Variants in DOCK3 observed in about 807,000 individuals in gnomAD.
The protein encoded by DOCK3 is dedicator of cytokinesis 3, also known as dedicator of cytokinesis protein 3.
A neutral mutation model predicts 265.6 loss-of-function variants in DOCK3; 60 were observed. The ratio of observed to expected loss-of-function variants is 0.23; its 90% CI spans 0.18 to 0.28. The LOEUF is 0.28. Ranked by LOEUF, DOCK3 falls within the 10% of genes least tolerant of loss-of-function variation. DOCK3 has a pLI of 1.00. For missense variants in DOCK3, 1,981 were observed against 2,594.3 expected (o/e 0.76, Z 5.14); for synonymous variants, 881 against 938.0 (o/e 0.94, Z 1.11).
intron 13 of DOCK3, among the ~76,000 whole-genome samples, chr3:51,209,455 A>T (rs150521887): frequency 6.6e-6 from 1 of 152,188 alleles, no homozygotes; most frequent in Non-Finnish European, 1.5e-5. Flanking sequence ...TCTACATATT[A>T]TATTGTTTTC....
intron 28 of DOCK3, among the ~76,000 whole-genome samples, chr3:51,311,176 G>A (rs2083049246): frequency 6.6e-6 from 1 of 152,190 alleles, no homozygotes; most frequent in South Asian, 2.1e-4. Context: ...AGGCTCCCCA[G>A]CTTGTCCTGC....
At chr3:51,195,068 G>A (rs1255202028) in intron 12 of DOCK3, among the ~76,000 whole-genome samples, 4 of 151,794 alleles carry the variant, frequency 2.6e-5, no homozygotes, top group East Asian at 1.9e-4. Context: ...CTCATGATCC[G>A]CCCACCTTGA....
chr3:50,966,432 T>C (rs1237390029), intron 5 of DOCK3, among the ~76,000 whole-genome samples: 1 of 151,890 alleles, frequency 6.6e-6, no homozygotes, highest in Non-Finnish European at 1.5e-5. Context: ...CCATCTTTAG[T>C]GTACAAGGAT....
chr3:50,751,880 G>A (rs1449061245), intron 1 of DOCK3, among the ~76,000 whole-genome samples: 1 of 151,990 alleles, frequency 6.6e-6, no homozygotes, highest in Non-Finnish European at 1.5e-5. Context: ...GGAGTGAAGG[G>A]GAGGAGCTTC....
At chr3:50,956,767 G>A (rs992611772) in intron 5 of DOCK3, among the ~76,000 whole-genome samples, 1 of 152,180 alleles carries the variant, frequency 6.6e-6, no homozygotes, top group Non-Finnish European at 1.5e-5. Context: ...TTTTAAGAAA[G>A]TTAGGTCCTA....
intron 7 of DOCK3, among the ~76,000 whole-genome samples, chr3:51,078,069 CAGAGAGAGAGAAAGAAACAGAGAG>C (rs933099896): frequency 1.9e-4 from 1 of 5,166 alleles, no homozygotes; most frequent in Non-Finnish European, 6.9e-4. Context: ...AAGAGAGAGA[CAGAGAGAGAGAAAGAAACAGAGAG>C]AGAGACCAAA....
chr3:51,052,230 G>A (rs555893606), intron 5 of DOCK3, among the ~76,000 whole-genome samples: 2 of 152,240 alleles, frequency 1.3e-5, no homozygotes, highest in African/African-American at 4.8e-5. Context: ...AGTAGGCTGG[G>A]TGCAGTGGCT....
rs75554952 is a variant in DOCK3, at chr3:51,136,965, A to G, written c.747-9584A>G. 2.7e-3 allele frequency among the ~76,000 whole-genome samples: 417 copies of G among 152,182 alleles called. 2 individuals carry two copies. Among genetic ancestry groups the G allele is most frequent in the African/African-American group, 9.5e-3 (396 of 41,524 alleles). On this transcript the variant is annotated intron_variant, in intron 9 of 52. Transcript: ENST00000266037. ...TGAAAAGAAGAGAAAAGCTGACACT[A>G]TGTATACATATGTAACTAACCTGCA...
At chr3:50,707,308 A>T (rs563947553) in intron 1 of DOCK3, among the ~76,000 whole-genome samples, 3 of 151,728 alleles carry the variant, frequency 2.0e-5, no homozygotes, top group African/African-American at 7.2e-5. Context: ...GTGGTAGGGC[A>T]TGCCTGTAAT....
chr3:50,878,581 AAAAGT>A (rs1235730762), intron 3 of DOCK3, among the ~76,000 whole-genome samples: 1 of 139,850 alleles, frequency 7.2e-6, no homozygotes, highest in Non-Finnish European at 1.5e-5. Context: ...GTTTAGAGAA[AAAAGT>A]AAAGAGAAAC....
Position 51,156,461 on chromosome 3 carries a change from G to GATTA in DOCK3, c.829-2783_829-2782insATTA, listed in dbSNP as rs879614280. On this transcript the variant is annotated intron_variant, in intron 10 of 52. Transcript: ENST00000266037. ...TATCTTTCTTTTACAGGTCATGTGAGTAATATAATGTAGATAACCACCCTT... is the reference window on the plus strand; with the variant it reads ...TATCTTTCTTTTACAGGTCATGTGAGATTATAATATAATGTAGATAACCACCCTT... Among the ~76,000 whole-genome samples, 295 of 152,322 alleles carry GATTA rather than the reference G, an allele frequency of 1.9e-3. 1 individual carries two copies. Among genetic ancestry groups the GATTA allele is most frequent in the Admixed American group, 3.9e-3 (60 of 15,298 alleles).
intron 49 of DOCK3, among the ~76,000 whole-genome samples, chr3:51,363,889 A>G (rs960771681): frequency 1.3e-5 from 2 of 152,192 alleles, no homozygotes. Context: ...TCTGTCATTG[A>G]TGGACACTTG....
At chr3:51,278,955 T>G (rs2080967927) in intron 26 of DOCK3, among the ~76,000 whole-genome samples, 1 of 152,148 alleles carries the variant, frequency 6.6e-6, no homozygotes, top group African/African-American at 2.4e-5. Flanking sequence ...ACATGTATTT[T>G]TAATAATTTC....
chr3:50,733,532 A>G (rs2038355406), intron 1 of DOCK3, among the ~76,000 whole-genome samples: 1 of 152,244 alleles, frequency 6.6e-6, no homozygotes, highest in African/African-American at 2.4e-5. Flanking sequence ...TGATACAAGT[A>G]TAGCTACTCT....
At chr3:50,787,555 G>T in intron 2 of DOCK3, 1 of 768,956 alleles carries the variant, frequency 1.3e-6, no homozygotes, top group Non-Finnish European at 2.1e-6. Context: ...ACAACCCTGG[G>T]TCACTTCTCA....
intron 12 of DOCK3, among the ~76,000 whole-genome samples, chr3:51,174,377 G>A (rs1351989236): frequency 1.3e-5 from 2 of 152,218 alleles, no homozygotes; most frequent in African/African-American, 4.8e-5. Flanking sequence ...GCTGAGGCAT[G>A]AGAATCACTT....
chr3:51,073,548 G>T (rs2081958933), intron 6 of DOCK3, among the ~76,000 whole-genome samples: 1 of 152,158 alleles, frequency 6.6e-6, no homozygotes. Context: ...AGATTTAAAT[G>T]CATTAACTTC....
chr3:50,710,669 G>A (rs1429219419), intron 1 of DOCK3, among the ~76,000 whole-genome samples: 3 of 152,162 alleles, frequency 2.0e-5, no homozygotes, highest in African/African-American at 7.2e-5. Flanking sequence ...AAGGAAGTAA[G>A]TCATTATATG....
At chr3:51,336,675 C>CA (rs1001833763) in intron 35 of DOCK3, among the ~76,000 whole-genome samples, 12 of 151,988 alleles carry the variant, frequency 7.9e-5, no homozygotes, top group African/African-American at 2.9e-4. Flanking sequence ...CAGAGGTACA[C>CA]AAAAAAAGAG....
Sources: allele counts gnomAD v4.1 joint callset (sites outside exome capture counted in the v4.1 genomes callset), GRCh38; gene constraint gnomAD v4.1.1; transcripts MANE v1.5; gene names NCBI Gene and HGNC (gene_info 2026-07-23, HGNC 2026-07-21).